The following APLP2 variants were observed in gnomAD, a reference collection of about 807,000 sequenced individuals.
The protein encoded by APLP2 is CDEI box-binding protein.
Under a neutral mutation model 89.9 loss-of-function variants are expected in APLP2, and 53 were observed. That is an observed-to-expected ratio of 0.59 (90% CI 0.47 to 0.74). The LOEUF (loss-of-function observed/expected upper bound fraction) is 0.74, where lower values mean the gene tolerates loss of function less well. Among genes scored for constraint, APLP2 ranks in the 30% least tolerant of loss-of-function variants. The pLI is 0.00. For synonymous variants in APLP2, 372 were observed against 348.6 expected (o/e 1.07, Z -0.75); for missense variants, 973 against 975.9 (o/e 1.00, Z 0.04).
At position 130,102,967 on chromosome 11, in the gene APLP2, C is replaced by T. The variant is rs1451755190; in HGVS notation, c.106-6462C>T. Among the ~76,000 whole-genome samples, 8 of 152,298 alleles carry T rather than the reference C, an allele frequency of 5.3e-5. No homozygotes were observed. In the East Asian group the frequency reaches 1.5e-3, roughly 29 times the overall value. On this transcript the variant is annotated intron_variant, in intron 1 of 16. Coordinates refer to ENST00000338167, the MANE Select transcript of APLP2 (RefSeq NM_001142276.2). ...TAAAAGTGCTGCAGTATGCATAGAT[C>T]ACAAGGACTGGCTTCAGTGCCAACA...
In APLP2 at chr11:130,133,761, G is replaced by C. The variant is rs770420784; in HGVS notation, c.1684+33G>C. 3 of 1,526,472 alleles carry C rather than the reference G, an allele frequency of 2.0e-6. No individual in the cohort carries two copies. In the East Asian group the frequency reaches 6.8e-5, roughly 34 times the overall value. 94.6% of individuals were successfully genotyped at this position (1,526,472 alleles called of 1,614,324 possible). ...CCAGCTCTTTGTGTCAAGGTCATAC[G>C]GGACTTCTTGCAGAGGCTCAGGAGT... On this transcript the variant is annotated intron_variant, in intron 12 of 16. Coordinates refer to ENST00000338167, the MANE Select transcript of APLP2 (RefSeq NM_001142276.2).
chr11:130,129,340 G>T, intron 10 of APLP2, 134 bp downstream of exon 10: 1 of 1,051,366 alleles, frequency 9.5e-7, no homozygotes, highest in Non-Finnish European at 1.4e-6. Flanking sequence ...GATGATGAGG[G>T]AGGAAAAGGT....
chr11:130,083,063 T>C (rs901852000), intron 1 of APLP2, among the ~76,000 whole-genome samples: 2 of 132,608 alleles, frequency 1.5e-5, no homozygotes, highest in African/African-American at 5.8e-5. Context: ...TGAGACACGG[T>C]CTCACACTGT....
chr11:130,143,248 G>C, intron 16 of APLP2, 99 bp from the exon 17 acceptor site: 1 of 1,087,428 alleles, frequency 9.2e-7, no homozygotes, highest in Non-Finnish European at 1.4e-6. Flanking sequence ...GCTGCATTTG[G>C]TCCTCAGGGG....
intron 3 of APLP2, among the ~76,000 whole-genome samples, chr11:130,119,086 A>T (rs577806684): frequency 6.6e-6 from 1 of 152,292 alleles, no homozygotes; most frequent in South Asian, 2.1e-4. Flanking sequence ...AGACTCATCC[A>T]TGATGGCGAG....
chr11:130,071,587 C>G (rs1941112941), intron 1 of APLP2, among the ~76,000 whole-genome samples: 1 of 152,206 alleles, frequency 6.6e-6, no homozygotes, highest in Non-Finnish European at 1.5e-5. Flanking sequence ...CACACTCGCA[C>G]TCCACTTCCC....
Position 130,097,369 on chromosome 11 carries a change from G to T in APLP2, c.106-12060G>T, listed in dbSNP as rs930796665. On this transcript the variant is annotated intron_variant, in intron 1 of 16. Transcript: ENST00000338167. ...GCAAAGATATGGGTTATTCACCCAA[G>T]AATTTCATGCCTTTCAGCATAGCAG... 2.6e-5 allele frequency among the ~76,000 whole-genome samples: 4 copies of T among 152,312 alleles called. No homozygotes were observed. In the East Asian group the frequency reaches 5.8e-4, roughly 22 times the overall value.
In APLP2 at chr11:130,123,312, T is replaced by C. The variant is rs1950030883; in HGVS notation, c.923-300T>C. 6.6e-6 allele frequency among the ~76,000 whole-genome samples: 1 copy of C among 152,212 alleles called. No homozygotes were observed. ...ATACCTCCACTGAACAGATCAGAAATGTGAGGCTCTCGCAGCTGTGAGACA... is the reference window on the plus strand; with the variant it reads ...ATACCTCCACTGAACAGATCAGAAACGTGAGGCTCTCGCAGCTGTGAGACA... On this transcript the variant is annotated intron_variant, in intron 6 of 16. Coordinates refer to ENST00000338167, the MANE Select transcript of APLP2 (RefSeq NM_001142276.2). This position sits in a 1 kb window ranked among gnomAD's most constrained non-coding sequence, Gnocchi z 4.0.
At position 130,072,493 on chromosome 11, in the gene APLP2, T is replaced by C. The variant is rs975614258; in HGVS notation, c.105+2411T>C. Among the ~76,000 whole-genome samples, 13 of 119,092 alleles carry C rather than the reference T, an allele frequency of 1.1e-4. No homozygotes were observed. The South Asian group carries it at 2.8e-3, about 25-fold the overall frequency. 78.1% of individuals were successfully genotyped at this position (119,092 alleles called of 152,430 possible). A position where few individuals can be genotyped will look rare whatever the true frequency, so the allele number is the denominator to read the frequency against. ...TATCGTCTTTTTTTTTTTTTTTTTT[T>C]TGATACGGAGTCTCGCTCTGTCCCA... On this transcript the variant is annotated intron_variant, in intron 1 of 16. Coordinates refer to ENST00000338167, the MANE Select transcript of APLP2 (RefSeq NM_001142276.2).
intron 1 of APLP2, among the ~76,000 whole-genome samples, chr11:130,090,383 T>C (rs1479350103): frequency 6.7e-6 from 1 of 148,764 alleles, no homozygotes; most frequent in Admixed American, 6.7e-5. Context: ...CAAAGGTCTC[T>C]GGTTTTCCTA....
chr11:130,122,130 C>T (rs1419302561), intron 5 of APLP2, among the ~76,000 whole-genome samples, 175 bp from the exon 6 acceptor site: 1 of 152,158 alleles, frequency 6.6e-6, no homozygotes, highest in Admixed American at 6.5e-5. Context: ...CAAATGTTCA[C>T]AAATACTTCC....
chr11:130,103,167 TA>T, intron 1 of APLP2, among the ~76,000 whole-genome samples: 1 of 152,200 alleles, frequency 6.6e-6, no homozygotes, highest in East Asian at 1.9e-4. Flanking sequence ...GCACATTAAA[TA>T]AGGGCATTTT....
chr11:130,127,955 A>G, intron 9 of APLP2, 115 bp downstream of exon 9: 1 of 853,858 alleles, frequency 1.2e-6, no homozygotes, highest in East Asian at 2.7e-5. Context: ...GTGAGGGCTT[A>G]CAAGGAAGTT....
intron 1 of APLP2, among the ~76,000 whole-genome samples, chr11:130,083,747 G>A (rs1202985969): frequency 6.6e-6 from 1 of 151,996 alleles, no homozygotes; most frequent in Admixed American, 6.5e-5. Context: ...CATTTAGGTT[G>A]TTTCCATGTC....
At chr11:130,120,204 G>A (rs1042983767) in intron 3 of APLP2, among the ~76,000 whole-genome samples, 2 of 152,142 alleles carry the variant, frequency 1.3e-5, no homozygotes, top group Non-Finnish European at 2.9e-5. Flanking sequence ...GCTTCCCACC[G>A]TAAAGACACC....
intron 12 of APLP2, among the ~76,000 whole-genome samples, chr11:130,134,303 G>A (rs1025256151): frequency 5.9e-5 from 9 of 152,322 alleles, no homozygotes; most frequent in East Asian, 5.8e-4. Flanking sequence ...GTGGCCAGTC[G>A]GGGCGGCTGC....
rs1187789707 is a variant in APLP2, at chr11:130,123,953, G to T, written c.1090+174G>T. On this transcript the variant is annotated intron_variant, in intron 7 of 16. Coordinates refer to ENST00000338167, the MANE Select transcript of APLP2 (RefSeq NM_001142276.2). This position sits in a 1 kb window ranked among gnomAD's most constrained non-coding sequence, Gnocchi z 4.0. ...AGATCTAGGCTTTGCTCTCCTGCCG[G>T]CAGTGGTAAGCTCAGTTCTCGTGTC... Among the ~76,000 whole-genome samples, 1 of 152,154 alleles carries T rather than the reference G, an allele frequency of 6.6e-6. No individual in the cohort carries two copies. Among genetic ancestry groups the T allele is most frequent in the Non-Finnish European group, 1.5e-5 (1 of 68,032 alleles).
At chr11:130,121,862 T>C in intron 5 of APLP2, 52 bp downstream of exon 5, 1 of 1,579,646 alleles carries the variant, frequency 6.3e-7, no homozygotes, top group East Asian at 2.2e-5. Context: ...TGTTAGCCCT[T>C]CTGTAAAGAC....
Position 130,109,508 on chromosome 11 carries a change from A to G in APLP2, c.185A>G (p.His62Arg). Reference protein sequence around the residue: ...IAMFCGKLNMHVNIQTGKWEP... With the variant: ...IAMFCGKLNMRVNIQTGKWEP... Reference sequence around the variant, plus strand: ...ATGTTTTGTGGGAAGTTAAATATGCATGTGAACATTCAGACTGGGAAATGG... The same window carrying G: ...ATGTTTTGTGGGAAGTTAAATATGCGTGTGAACATTCAGACTGGGAAATGG... Residue 62 changes from histidine (H) to arginine (R), a missense_variant, in exon 2 of 17, where the codon CAT (histidine) becomes CGT (arginine). His to Arg is a conservative substitution (Grantham distance 29). Coordinates refer to ENST00000338167, the MANE Select transcript of APLP2 (RefSeq NM_001142276.2). 1 of 1,614,062 alleles carries G rather than the reference A, an allele frequency of 6.2e-7. No individual in the cohort carries two copies. Among genetic ancestry groups the G allele is most frequent in the East Asian group, 2.2e-5 (1 of 44,870 alleles).
Sources: gnomAD v4.1 joint callset for allele counts (sites outside exome capture counted in the v4.1 genomes callset) on GRCh38, gnomAD v4.1.1 for gene constraint, Gnocchi (gnomAD v3.1) non-coding constraint, MANE v1.5 for transcripts, NCBI Gene and HGNC (gene_info 2026-07-23, HGNC 2026-07-21) for gene names.